The following PLK1 variants were observed in gnomAD, a reference collection of about 807,000 sequenced individuals.
PLK1 encodes polo like kinase 1.
A neutral mutation model predicts 56.7 loss-of-function variants in PLK1; 6 were observed. The observed-to-expected ratio is 0.11, with a 90% CI of 0.06 to 0.21. The LOEUF is 0.21. Ranked by LOEUF, PLK1 falls within the 10% of genes least tolerant of loss-of-function variation. The probability of loss-of-function intolerance (pLI) is 1.00; values close to 1 mark genes in which losing one functional copy is unlikely to be tolerated. For synonymous variants in PLK1, 298 were observed against 325.0 expected (o/e 0.92, Z 0.89); for missense variants, 546 against 814.4 (o/e 0.67, Z 4.01).
rs924732224 is a variant in PLK1, at chr16:23,688,568, C to T, written c.1193-100C>T. On this transcript the variant is annotated intron_variant, in intron 6 of 9. Coordinates refer to ENST00000300093, the MANE Select transcript of PLK1 (RefSeq NM_005030.6). ...CTCTCAACTGAGCCCAGGTGGGGTGCCCAGCAGGCTTCCCTGTTCCCTGGT... is the reference window on the plus strand; with the variant it reads ...CTCTCAACTGAGCCCAGGTGGGGTGTCCAGCAGGCTTCCCTGTTCCCTGGT... The T allele has an allele frequency of 4.2e-6, 4 of 953,782 alleles. No individual in the cohort carries two copies. In the African/African-American group the frequency reaches 6.4e-5, roughly 15 times the overall value. The allele number at this position is 953,782 out of a possible 1,614,324, so 59.1% of individuals were successfully genotyped here. A position where few individuals can be genotyped will look rare whatever the true frequency, so the allele number is the denominator to read the frequency against.
At chr16:23,682,729 A>G (rs1003810627) in intron 4 of PLK1, among the ~76,000 whole-genome samples, 2 of 142,258 alleles carry the variant, frequency 1.4e-5, no homozygotes, top group East Asian at 2.1e-4. Flanking sequence ...ACGGGGTTTC[A>G]CCATGTTGGC....
In PLK1 at chr16:23,680,171, T is replaced by G; in HGVS notation, c.496T>G (p.Tyr166Asp). 1 of 1,613,844 alleles carries G rather than the reference T, an allele frequency of 6.2e-7. No homozygotes were observed. Among genetic ancestry groups the G allele is most frequent in the Non-Finnish European group, 8.5e-7 (1 of 1,179,778 alleles). ...YLRQIVLGCQ[Y>D]LHRNRVIHRD... ...ACGGCAAATTGTGCTTGGCTGCCAG[T>G]ACCTGCACCGAAACCGAGTTATTCA... Residue 166 changes from tyrosine to aspartate, a missense_variant, in exon 2 of 10, where the codon TAC (tyrosine) becomes GAC (aspartate). By Grantham distance (160) the Tyr-to-Asp change is radical (BLOSUM62 -3). This residue lies in a region of PLK1 where 111 missense variants were observed against 211.8 expected (regional missense o/e 0.52). Transcript: ENST00000300093.
chr16:23,688,738 C>T lies in PLK1; in HGVS notation c.1263C>T (p.Tyr421=), dbSNP rs2230914. 0.015 allele frequency: 23,948 copies of T among 1,611,596 alleles called. 1,064 individuals are homozygous for T. The African/African-American group carries it at 0.16, about 11-fold the overall frequency. ...AGTGGGTGGACTATTCGGACAAGTA[C>T]GGCCTTGGTAGGTTTCTTCCAGAAC... ...VSKWVDYSDK[Y]GLGYQLCDNS... Residue 421 remains tyrosine (Y), a synonymous_variant, in exon 7 of 10, where the codon TAC becomes TAT. Transcript: ENST00000300093.
At chr16:23,686,565 T>C (rs1959431314) in intron 5 of PLK1, among the ~76,000 whole-genome samples, 1 of 152,222 alleles carries the variant, frequency 6.6e-6, no homozygotes, top group Non-Finnish European at 1.5e-5. Context: ...AGATCATGGC[T>C]CACTGCAGCC....
Position 23,682,064 on chromosome 16 carries a change from G to A in PLK1, c.723G>A (p.Met241Ile). ...EVDVWSIGCI[M>I]YTLLVGKPPF... is the part of the protein sequence containing the mutation. ...GCCAAATCCTACCTTGTGCTTACAG[G>A]TATACCTTGTTAGTGGGCAAACCAC... The change falls in exon 4 of 10, where the codon ATG (methionine) becomes ATA (isoleucine). Residue 241 changes from methionine (M) to isoleucine (I), a missense_variant and splice_region_variant. This residue lies in a region of PLK1 where 21 missense variants were observed against 58.4 expected (regional missense o/e 0.36). Coordinates refer to ENST00000300093, the MANE Select transcript of PLK1 (RefSeq NM_005030.6). 1.9e-6 allele frequency: 3 copies of A among 1,560,028 alleles called. No individual in the cohort carries two copies. Among genetic ancestry groups the A allele is most frequent in the East Asian group, 4.5e-5 (2 of 44,642 alleles).
chr16:23,682,524 C>CTT lies in PLK1; in HGVS notation c.816+384_816+385dup, dbSNP rs375256991. On this transcript the variant is annotated intron_variant, in intron 4 of 9. Coordinates refer to ENST00000300093, the MANE Select transcript of PLK1 (RefSeq NM_005030.6). ...ATCACATTGGGCAAATGGCCTGCAT[C>CTT]TTTTTTTTTTTTTTTTTTATTTGAG... is the stretch of plus-strand genomic sequence containing the variant. Among the ~76,000 whole-genome samples, 662 of 136,142 alleles carry CTT rather than the reference C, an allele frequency of 4.9e-3. 6 individuals carry two copies. Among genetic ancestry groups the CTT allele is most frequent in the Non-Finnish European group, 6.5e-3 (411 of 63,454 alleles). 89.3% of individuals were successfully genotyped at this position (136,142 alleles called of 152,430 possible).
At chr16:23,687,719 CA>C (rs1314468925) in intron 6 of PLK1, 95 bp downstream of exon 6, 13 of 876,864 alleles carry the variant, frequency 1.5e-5, no homozygotes, top group Non-Finnish European at 2.0e-5. Flanking sequence ...GTGACTTGTT[CA>C]GGCCCTGTCT....
Position 23,690,133 on chromosome 16 carries a change from TC to T in PLK1, c.*73del, listed in dbSNP as rs1338624029. On this transcript the variant is annotated 3_prime_UTR_variant, in exon 10 of 10. Coordinates refer to ENST00000300093, the MANE Select transcript of PLK1 (RefSeq NM_005030.6). Reference sequence around the variant, plus strand: ...GCATCTGGGGCCCATACTGGTTGGCTCCCGCGGTGCCATGTCTGCAGTGTGC... The same window carrying T: ...GCATCTGGGGCCCATACTGGTTGGCTCCGCGGTGCCATGTCTGCAGTGTGC... 4.0e-6 allele frequency: 5 copies of T among 1,246,428 alleles called. No homozygotes were observed. Among genetic ancestry groups the T allele is most frequent in the Non-Finnish European group, 5.8e-6 (5 of 864,618 alleles). The allele number at this position is 1,246,428 out of a possible 1,614,324, so 77.2% of individuals were successfully genotyped here. A position where few individuals can be genotyped will look rare whatever the true frequency, so the allele number is the denominator to read the frequency against.
chr16:23,679,605 TG>T (rs1567238591), intron 1 of PLK1: 10 of 448,008 alleles, frequency 2.2e-5, no homozygotes, highest in South Asian at 3.2e-5. Context: ...CGCGAGGTGC[TG>T]GGGGGAGGGG....
intron 1 of PLK1, chr16:23,679,715 G>A (rs138974428): frequency 1.4e-5 from 4 of 278,614 alleles, no homozygotes; most frequent in Middle Eastern, 1.1e-3. Flanking sequence ...TGGGTCAGTG[G>A]GGGGGTAGTT....
chr16:23,680,590 C>T (rs1959315428), intron 2 of PLK1, among the ~76,000 whole-genome samples: 1 of 152,202 alleles, frequency 6.6e-6, no homozygotes, highest in South Asian at 2.1e-4. Context: ...AGTCTCTACT[C>T]CTCCCTATTC....
At position 23,683,948 on chromosome 16, in the gene PLK1, C is replaced by T; in HGVS notation, c.895C>T (p.Leu299=). The change falls in exon 5 of 10, where the codon CTG becomes TTG. Residue 299 remains leucine, a synonymous_variant. Transcript: ENST00000300093. ...DPTARPTINE[L]LNDEFFTSGY... is the part of the protein sequence containing the mutation. ...CACTGCCCGCCCAACCATTAACGAG[C>T]TGCTTAATGACGAGTTCTTTACTTC... 6.2e-7 allele frequency: 1 copy of T among 1,614,122 alleles called. No homozygotes were observed. Among genetic ancestry groups the T allele is most frequent in the Non-Finnish European group, 8.5e-7 (1 of 1,179,978 alleles).
At chr16:23,687,405 G>A in intron 5 of PLK1, 64 bp from the exon 6 acceptor site, 1 of 1,355,658 alleles carries the variant, frequency 7.4e-7, no homozygotes, top group Non-Finnish European at 9.9e-7. Flanking sequence ...TTTCGGAAGA[G>A]TTTCAGCTGT....
intron 5 of PLK1, 35 bp downstream of exon 5, chr16:23,684,124 C>G: frequency 6.5e-7 from 1 of 1,529,076 alleles, no homozygotes; most frequent in Non-Finnish European, 9.1e-7. Flanking sequence ...AGCAGACCCC[C>G]CAGAGAAAGC....
Position 23,678,990 on chromosome 16 carries a change from G to A in PLK1, c.58G>A (p.Ala20Thr). 1.2e-6 allele frequency: 2 copies of A among 1,600,760 alleles called. No homozygotes were observed. The highest frequency in any genetic ancestry group is 1.7e-6 in the Non-Finnish European group (2 of 1,174,252). The part of the protein sequence containing the change: ...LARAPADPGK[A>T]GVPGVAAPGA... ...ACGGGCACCGGCCGACCCTGGGAAA[G>A]CCGGGGTCCCCGGAGTTGCAGCTCC... Residue 20 changes from alanine to threonine, a missense_variant, in exon 1 of 10, where the codon GCC (alanine) becomes ACC (threonine). Coordinates refer to ENST00000300093, the MANE Select transcript of PLK1 (RefSeq NM_005030.6).
At position 23,689,846 on chromosome 16, in the gene PLK1, C is replaced by G. The variant is rs1317493811; in HGVS notation, c.1609-14C>G. ...CCTCTGGGATCGCCAACCCCTGCTGCTCTTCTCTTGCAGGATCACACCAAG... is the reference window on the plus strand; with the variant it reads ...CCTCTGGGATCGCCAACCCCTGCTGGTCTTCTCTTGCAGGATCACACCAAG... On this transcript the variant is annotated splice_polypyrimidine_tract_variant and intron_variant, in intron 9 of 9. Coordinates refer to ENST00000300093, the MANE Select transcript of PLK1 (RefSeq NM_005030.6). This position sits in a 1 kb window ranked among gnomAD's most constrained non-coding sequence, Gnocchi z 4.8. 6.2e-7 allele frequency: 1 copy of G among 1,610,090 alleles called. No homozygotes were observed. The highest frequency in any genetic ancestry group is 1.1e-5 in the South Asian group (1 of 91,018).
At chr16:23,687,906 C>T (rs1014500696) in intron 6 of PLK1, 7 of 231,224 alleles carry the variant, frequency 3.0e-5, no homozygotes, top group Admixed American at 2.3e-4. Context: ...AATAACAGAC[C>T]CAGATGTACT....
rs927445701 is a variant in PLK1 at position 23,688,939 on chromosome 16, C to G, written c.1270+194C>G. Among the ~76,000 whole-genome samples, 3 of 151,588 alleles carry G rather than the reference C, an allele frequency of 2.0e-5. 1 individual carries two copies. The highest frequency in any genetic ancestry group is 2.0e-4 in the Admixed American group (3 of 15,244). On this transcript the variant is annotated intron_variant, in intron 7 of 9. Transcript: ENST00000300093. ...TTTTTTTTCCAGAGACAGGGTCCTG[C>G]TCTGTAGCCCAGGCTGGAGTGCAGT...
chr16:23,680,127 C>T lies in PLK1; in HGVS notation c.452C>T (p.Pro151Leu). Residue 151 changes from proline to leucine, a missense_variant, in exon 2 of 10, where the codon CCT becomes CTT. Coordinates refer to ENST00000300093, the MANE Select transcript of PLK1 (RefSeq NM_005030.6). Reference protein sequence around the residue: ...LHKRRKALTEPEARYYLRQIV... With the variant: ...LHKRRKALTELEARYYLRQIV... ...AAGAGGAGGAAAGCCCTGACTGAGC[C>T]TGAGGCCCGATACTACCTACGGCAA... 1 of 1,614,066 alleles carries T rather than the reference C, an allele frequency of 6.2e-7. No individual in the cohort carries two copies. Among genetic ancestry groups the T allele is most frequent in the Non-Finnish European group, 8.5e-7 (1 of 1,179,972 alleles).
Sources: gnomAD v4.1 joint callset for allele counts (sites outside exome capture counted in the v4.1 genomes callset) on GRCh38, gnomAD v4.1.1 for gene constraint, gnomAD v4.1.1 regional missense constraint, Gnocchi (gnomAD v3.1) non-coding constraint, MANE v1.5 for transcripts, NCBI Gene and HGNC (gene_info 2026-07-23, HGNC 2026-07-21) for gene names.